DNER: variants seen among roughly 807,000 people sequenced by gnomAD.
DNER encodes delta and Notch-like epidermal growth factor-related receptor.
In DNER, 33 loss-of-function variants were observed where a neutral mutation model predicts 78.2. That is an observed-to-expected ratio of 0.42 (90% CI 0.32 to 0.56). The LOEUF is 0.56. Among genes scored for constraint, DNER ranks in the 20% least tolerant of loss-of-function variants. The probability of loss-of-function intolerance (pLI) is 0.11; values close to 1 mark genes in which losing one functional copy is unlikely to be tolerated. For missense variants in DNER, 918 were observed against 975.3 expected (o/e 0.94, Z 0.78); for synonymous variants, 417 against 384.8 (o/e 1.08, Z -0.98).
chr2:229,454,623 C>A lies in DNER; in HGVS notation c.1262-7083G>T, dbSNP rs112111197. On this transcript the variant is annotated intron_variant, in intron 7 of 12. Coordinates refer to ENST00000341772, the MANE Select transcript of DNER (RefSeq NM_139072.4). ...ATACACTTTTGGCATATTATCCAGT[C>A]TAAAAAAGAAAGTGGAAAATTTCAC... Among the ~76,000 whole-genome samples the A allele has an allele frequency of 4.0e-3, 594 of 148,368 alleles. 1 individual carries two copies. The highest frequency in any genetic ancestry group is 6.2e-3 in the Non-Finnish European group (419 of 67,374).
At position 229,473,083 on chromosome 2, in the gene DNER, G is replaced by A. The variant is rs1312983193; in HGVS notation, c.1261+4057C>T. Reference sequence around the variant, plus strand: ...AAAAGGTCCTTGAAGGAAACAAAATGGAGATGAAAAGGGGGGAAAAGAGAA... The same window carrying A: ...AAAAGGTCCTTGAAGGAAACAAAATAGAGATGAAAAGGGGGGAAAAGAGAA... On this transcript the variant is annotated intron_variant, in intron 7 of 12. Transcript: ENST00000341772. Among the ~76,000 whole-genome samples the A allele has an allele frequency of 2.0e-5, 3 of 152,278 alleles. No individual in the cohort carries two copies. The East Asian group carries it at 5.8e-4, about 29-fold the overall frequency.
intron 8 of DNER, among the ~76,000 whole-genome samples, chr2:229,433,629 A>G (rs989934457): frequency 6.6e-6 from 1 of 152,210 alleles, no homozygotes; most frequent in South Asian, 2.1e-4. Context: ...AATTTTTCCC[A>G]CATCTCTGAT....
At chr2:229,583,371 C>T (rs1697435575) in intron 4 of DNER, among the ~76,000 whole-genome samples, 1 of 152,188 alleles carries the variant, frequency 6.6e-6, no homozygotes. Flanking sequence ...GCAAAATTAT[C>T]TAACACAAAG....
intron 6 of DNER, among the ~76,000 whole-genome samples, chr2:229,503,049 T>A (rs1695653342): frequency 6.6e-6 from 1 of 152,320 alleles, no homozygotes; most frequent in East Asian, 1.9e-4. Flanking sequence ...AATTCTTTTT[T>A]CTCCACTACC....
chr2:229,371,133 T>A (rs1264796147), intron 11 of DNER, among the ~76,000 whole-genome samples: 1 of 152,224 alleles, frequency 6.6e-6, no homozygotes, highest in Non-Finnish European at 1.5e-5. Flanking sequence ...CACCTCACTG[T>A]CATCTAAAAC....
intron 9 of DNER, among the ~76,000 whole-genome samples, chr2:229,413,200 G>A (rs1280313386): frequency 6.6e-6 from 1 of 151,522 alleles, no homozygotes; most frequent in Admixed American, 6.6e-5. Flanking sequence ...TTCAGTTTTG[G>A]TTATCTGTCC....
intron 4 of DNER, among the ~76,000 whole-genome samples, chr2:229,550,679 G>A (rs1471887879): frequency 6.6e-6 from 1 of 152,142 alleles, no homozygotes; most frequent in Non-Finnish European, 1.5e-5. Context: ...GGGAGGCTGA[G>A]GCAGGGGAAT....
At position 229,586,996 on chromosome 2, in the gene DNER, C is replaced by A. The variant is rs1020107408; in HGVS notation, c.681-972G>T. On this transcript the variant is annotated intron_variant, in intron 3 of 12. Coordinates refer to ENST00000341772, the MANE Select transcript of DNER (RefSeq NM_139072.4). ...CTCAGGTCATTCGGCACTCCCATCTCACTTCGTCTGAGTCAGACTCTGCTA... is the reference window on the plus strand; with the variant it reads ...CTCAGGTCATTCGGCACTCCCATCTAACTTCGTCTGAGTCAGACTCTGCTA... The A allele has an allele frequency of 4.1e-6, 4 of 985,328 alleles. No homozygotes were observed. In the African/African-American group the frequency reaches 5.2e-5, roughly 13 times the overall value. The allele number at this position is 985,328 out of a possible 1,614,324, so 61.0% of individuals were successfully genotyped here. A position where few individuals can be genotyped will look rare whatever the true frequency, so the allele number is the denominator to read the frequency against.
chr2:229,508,663 C>T (rs1401720402), intron 6 of DNER, among the ~76,000 whole-genome samples: 1 of 152,052 alleles, frequency 6.6e-6, no homozygotes, highest in African/African-American at 2.4e-5. Flanking sequence ...GGGCAGATCA[C>T]GAGGTCAGGA....
rs1696828788 is a variant in DNER at position 229,554,938 on chromosome 2, A to AAAG, written c.848-7847_848-7846insCTT. Reference sequence around the variant, plus strand: ...AAGAGAAGAGAAGAGAAGAGAAGAGAGAAAAGGGAAGGGAAGGGAAGGGAA... The same window carrying AAAG: ...AAGAGAAGAGAAGAGAAGAGAAGAGAAAGGAAAAGGGAAGGGAAGGGAAGGGAA... On this transcript the variant is annotated intron_variant, in intron 4 of 12. Coordinates refer to ENST00000341772, the MANE Select transcript of DNER (RefSeq NM_139072.4). Among the ~76,000 whole-genome samples, 288 of 44,098 alleles carry AAAG rather than the reference A, an allele frequency of 6.5e-3. 3 individuals are homozygous for AAAG. Among genetic ancestry groups the AAAG allele is most frequent in the Admixed American group, 0.01 (36 of 3,538 alleles). The allele number at this position is 44,098 out of a possible 152,430, so 28.9% of individuals were successfully genotyped here.
At chr2:229,604,041 C>A (rs967912553) in intron 1 of DNER, among the ~76,000 whole-genome samples, 2 of 152,124 alleles carry the variant, frequency 1.3e-5, no homozygotes, top group Non-Finnish European at 2.9e-5. Flanking sequence ...CCAGCAGAAG[C>A]CAAAATCCAG....
chr2:229,442,505 G>A (rs1448983115), intron 8 of DNER, among the ~76,000 whole-genome samples: 2 of 107,484 alleles, frequency 1.9e-5, no homozygotes, highest in Non-Finnish European at 3.5e-5. Context: ...ACAGAGCAAC[G>A]CTCTGTCTTA....
chr2:229,689,123 G>A (rs1021788419), intron 1 of DNER, among the ~76,000 whole-genome samples: 7 of 152,158 alleles, frequency 4.6e-5, no homozygotes, highest in African/African-American at 1.7e-4. Context: ...CCTGCACACT[G>A]CACATGTACC....
intron 1 of DNER, among the ~76,000 whole-genome samples, chr2:229,673,101 C>T (rs983171887): frequency 1.3e-5 from 2 of 152,166 alleles, no homozygotes; most frequent in African/African-American, 4.8e-5. Flanking sequence ...TTTTCCTGTC[C>T]TTTGTGCTTT....
intron 11 of DNER, among the ~76,000 whole-genome samples, chr2:229,371,172 T>G (rs1692473384): frequency 6.6e-6 from 1 of 152,214 alleles, no homozygotes; most frequent in Non-Finnish European, 1.5e-5. Flanking sequence ...TGTGGCTGCT[T>G]TACAGGCTAA....
intron 4 of DNER, among the ~76,000 whole-genome samples, chr2:229,563,869 C>T (rs1424665689): frequency 2.1e-5 from 3 of 146,186 alleles, no homozygotes; most frequent in Non-Finnish European, 3.0e-5. Flanking sequence ...TCCTCCTCAC[C>T]CCTTCACCAT....
At chr2:229,655,381 A>G (rs1354916457) in intron 1 of DNER, among the ~76,000 whole-genome samples, 1 of 152,236 alleles carries the variant, frequency 6.6e-6, no homozygotes, top group Admixed American at 6.5e-5. Context: ...GCATCTTTTA[A>G]AAACCTCCTG....
At chr2:229,522,464 T>A (rs534163513) in intron 5 of DNER, among the ~76,000 whole-genome samples, 3 of 152,204 alleles carry the variant, frequency 2.0e-5, no homozygotes, top group Non-Finnish European at 4.4e-5. Flanking sequence ...AGTTTGACTT[T>A]AAGGAAAATG....
chr2:229,365,301 C>T (rs1432457765), intron 12 of DNER, among the ~76,000 whole-genome samples: 3 of 152,036 alleles, frequency 2.0e-5, no homozygotes, highest in African/African-American at 4.8e-5. Flanking sequence ...AGAGACAGTA[C>T]CCAGGAAGGA....
Sources: allele counts gnomAD v4.1 joint callset (sites outside exome capture counted in the v4.1 genomes callset), GRCh38; gene constraint gnomAD v4.1.1; transcripts MANE v1.5; gene names NCBI Gene and HGNC (gene_info 2026-07-23, HGNC 2026-07-21).